The following PDE4D variants were observed in gnomAD, a reference collection of about 807,000 sequenced individuals.
The protein encoded by PDE4D is phosphodiesterase 4D, also known as 3',5'-cyclic-AMP phosphodiesterase 4D.
PDE4D carries 24 observed loss-of-function variants against 87.4 expected under a neutral mutation model. That is an observed-to-expected ratio of 0.27 (90% confidence interval 0.20 to 0.39). The LOEUF is 0.39. Ranked by LOEUF, PDE4D falls within the 10% of genes least tolerant of loss-of-function variation. The pLI is 1.00. For synonymous variants in PDE4D, 384 were observed against 383.2 expected (o/e 1.00, Z -0.02); for missense variants, 714 against 1,041.0 (o/e 0.69, Z 4.32).
intron 2 of PDE4D, among the ~76,000 whole-genome samples, chr5:60,068,351 G>C (rs1772334426): frequency 6.6e-6 from 1 of 152,018 alleles, no homozygotes; most frequent in African/African-American, 2.4e-5. Flanking sequence ...TAAAATATCT[G>C]TTGGCCATTT....
chr5:59,600,644 A>G (rs1460541754), intron 1 of PDE4D, among the ~76,000 whole-genome samples: 1 of 152,188 alleles, frequency 6.6e-6, no homozygotes, highest in Non-Finnish European at 1.5e-5. Flanking sequence ...TCAGTAGGTA[A>G]TCCAGTTAGA....
chr5:60,092,050 C>CAAAAAAAAAAAAAA (rs66814905), intron 2 of PDE4D, among the ~76,000 whole-genome samples: 1 of 55,992 alleles, frequency 1.8e-5, no homozygotes, highest in African/African-American at 8.0e-5. Flanking sequence ...AACTCCGTCT[C>CAAAAAAAAAAAAAA]AAAAAAAAAA....
chr5:59,544,982 T>G (rs2153685413), intron 1 of PDE4D, among the ~76,000 whole-genome samples: 1 of 152,344 alleles, frequency 6.6e-6, no homozygotes, highest in East Asian at 1.9e-4. Context: ...TGATCATTAC[T>G]CAGAGTACTG....
At chr5:59,024,147 C>G (rs1045924038) in intron 6 of PDE4D, among the ~76,000 whole-genome samples, 4 of 150,818 alleles carry the variant, frequency 2.7e-5, no homozygotes, top group African/African-American at 9.8e-5. Context: ...TGTGATCGAC[C>G]TCCCAAAGTG....
At chr5:59,589,872 G>T (rs141682651) in intron 1 of PDE4D, among the ~76,000 whole-genome samples, 2 of 152,092 alleles carry the variant, frequency 1.3e-5, no homozygotes, top group African/African-American at 4.8e-5. Flanking sequence ...GTGAATTTTC[G>T]TTGGATTTTT....
chr5:59,449,831 C>G (rs1454127445), intron 1 of PDE4D, among the ~76,000 whole-genome samples: 3 of 151,804 alleles, frequency 2.0e-5, no homozygotes, highest in Non-Finnish European at 4.4e-5. Context: ...CACTACAAAA[C>G]AGGGAGGAAG....
chr5:59,117,807 CT>C lies in PDE4D; in HGVS notation c.808+62787del, dbSNP rs201039884. Among the ~76,000 whole-genome samples, 438 of 141,960 alleles carry C rather than the reference CT, an allele frequency of 3.1e-3. 2 individuals carry two copies. Among genetic ancestry groups the C allele is most frequent in the African/African-American group, 9.2e-3 (353 of 38,384 alleles). 93.1% of individuals were successfully genotyped at this position (141,960 alleles called of 152,430 possible). On this transcript the variant is annotated intron_variant, in intron 5 of 14. Transcript: ENST00000340635. ...CAAACACTGCAGATCAGGTTTTTAA[CT>C]TTTTTTTTTTTTTTGTGAGGGGTGG...
chr5:59,329,457 T>A (rs1047217605), intron 1 of PDE4D, among the ~76,000 whole-genome samples: 30 of 152,146 alleles, frequency 2.0e-4, no homozygotes, highest in African/African-American at 7.2e-4. Flanking sequence ...TCAGAAATCA[T>A]GTTGTCTGAT....
chr5:59,548,887 C>T (rs1264238215), intron 1 of PDE4D, among the ~76,000 whole-genome samples: 2 of 152,106 alleles, frequency 1.3e-5, no homozygotes, highest in Admixed American at 6.6e-5. Context: ...CTTTTTTCTG[C>T]TAGCTCTCTG....
In PDE4D at chr5:59,710,920, G is replaced by A. The variant is rs1754111885; in HGVS notation, c.455+182248C>T. ...TGTGATACTAACAATAGCCTAATAAGGTACCATAACTCCATGTACATTTTA... is the reference window on the plus strand; with the variant it reads ...TGTGATACTAACAATAGCCTAATAAAGTACCATAACTCCATGTACATTTTA... On this transcript the variant is annotated intron_variant, in intron 1 of 14. Coordinates refer to ENST00000340635, the MANE Select transcript of PDE4D (RefSeq NM_001104631.2). 3.9e-5 allele frequency among the ~76,000 whole-genome samples: 6 copies of A among 152,198 alleles called. No individual in the cohort carries two copies. The South Asian group carries it at 1.2e-3, about 32-fold the overall frequency.
intron 1 of PDE4D, among the ~76,000 whole-genome samples, chr5:59,829,096 T>A (rs1381029474): frequency 6.6e-6 from 1 of 152,004 alleles, no homozygotes; most frequent in South Asian, 2.1e-4. Context: ...CAAAAGTAAT[T>A]GTAGTGAGAT....
intron 1 of PDE4D, among the ~76,000 whole-genome samples, chr5:59,288,971 T>C (rs1016231075): frequency 2.6e-5 from 4 of 152,064 alleles, no homozygotes; most frequent in Non-Finnish European, 5.9e-5. Context: ...AAGAAAAGCA[T>C]ATTAATGAGC....
chr5:60,236,798 A>G (rs749630834), intron 1 of PDE4D, among the ~76,000 whole-genome samples: 4 of 151,972 alleles, frequency 2.6e-5, no homozygotes, highest in Non-Finnish European at 5.9e-5. Context: ...GCCGAGGAAT[A>G]TGAGTAGAGC....
intron 1 of PDE4D, among the ~76,000 whole-genome samples, chr5:60,443,209 A>G (rs544943268): frequency 6.6e-6 from 1 of 152,278 alleles, no homozygotes; most frequent in African/African-American, 2.4e-5. Flanking sequence ...CTGAGAGAAG[A>G]AACCAGGTAA....
intron 1 of PDE4D, among the ~76,000 whole-genome samples, chr5:59,838,317 TAACA>T (rs1183350540): frequency 6.6e-6 from 1 of 152,026 alleles, no homozygotes; most frequent in East Asian, 1.9e-4. Flanking sequence ...GCTTCTTACC[TAACA>T]AAGAAGAAAG....
At chr5:59,996,800 A>T (rs1397940369) in intron 2 of PDE4D, among the ~76,000 whole-genome samples, 1 of 152,192 alleles carries the variant, frequency 6.6e-6, no homozygotes, top group Admixed American at 6.5e-5. Context: ...TATAGAAAAG[A>T]TACTCTTGCA....
At chr5:60,032,849 C>G (rs944557263) in intron 2 of PDE4D, 1 of 152,180 alleles carries the variant, frequency 6.6e-6, no homozygotes, top group East Asian at 1.9e-4. Context: ...CAGAATTCCT[C>G]AGAGAGAGAA....
At chr5:59,133,796 C>G (rs1354807809) in intron 5 of PDE4D, among the ~76,000 whole-genome samples, 1 of 152,142 alleles carries the variant, frequency 6.6e-6, no homozygotes, top group Middle Eastern at 3.2e-3. Flanking sequence ...TCCAGCTACA[C>G]GTGAGATGGA....
At chr5:60,415,850 G>A (rs1742484114) in intron 1 of PDE4D, among the ~76,000 whole-genome samples, 1 of 152,250 alleles carries the variant, frequency 6.6e-6, no homozygotes, top group South Asian at 2.1e-4. Flanking sequence ...CCCGGTGCGG[G>A]ACCCACTGGG....
Sources: allele counts gnomAD v4.1 joint callset (sites outside exome capture counted in the v4.1 genomes callset), GRCh38; gene constraint gnomAD v4.1.1; transcripts MANE v1.5; gene names NCBI Gene and HGNC (gene_info 2026-07-23, HGNC 2026-07-21).